LRP1B: variants seen among roughly 807,000 people sequenced by gnomAD.
LRP1B encodes low-density lipoprotein receptor-related protein 1B.
LRP1B carries 217 observed loss-of-function variants against 556.6 expected under a neutral mutation model. That is an observed-to-expected ratio of 0.39 (90% CI 0.35 to 0.44). The LOEUF is 0.44. LRP1B is among the 20% of genes least tolerant of loss of function. LRP1B has a pLI of 1.00. For synonymous variants in LRP1B, 2,047 were observed against 1,865.8 expected, an observed-to-expected ratio of 1.10 and a Z score of -2.50; for missense variants, 5,053 against 5,620.8, an observed-to-expected ratio of 0.90 and a Z score of 3.23.
chr2:141,495,827 A>G lies in LRP1B; in HGVS notation c.206-15294T>C, dbSNP rs72991015. Among the ~76,000 whole-genome samples, 574 of 152,202 alleles carry G rather than the reference A, an allele frequency of 3.8e-3. 2 individuals carry two copies. The highest frequency in any genetic ancestry group is 0.013 in the African/African-American group (542 of 41,550). ...ACACATATATATCTGTCACTTCTAG[A>G]AAATATACAAATTCTTCTCTGCAAC... On this transcript the variant is annotated intron_variant, in intron 2 of 90. Transcript: ENST00000389484.
At chr2:140,821,377 G>A (rs924877167) in intron 31 of LRP1B, among the ~76,000 whole-genome samples, 3 of 151,990 alleles carry the variant, frequency 2.0e-5, no homozygotes, top group Admixed American at 6.5e-5. Flanking sequence ...CACCTCCTCC[G>A]GCTTCTTTGT....
chr2:141,541,983 T>C (rs1415281974), intron 2 of LRP1B, among the ~76,000 whole-genome samples: 1 of 152,062 alleles, frequency 6.6e-6, no homozygotes, highest in Non-Finnish European at 1.5e-5. Flanking sequence ...AAATTTCTAA[T>C]AGCTTTGCTT....
At chr2:141,877,199 T>G (rs931766963) in intron 1 of LRP1B, among the ~76,000 whole-genome samples, 1 of 151,778 alleles carries the variant, frequency 6.6e-6, no homozygotes, top group African/African-American at 2.4e-5. Flanking sequence ...TAAACATTAG[T>G]TTTTTTTCCT....
chr2:140,569,209 T>G (rs560838868), intron 43 of LRP1B, among the ~76,000 whole-genome samples: 11 of 151,948 alleles, frequency 7.2e-5, no homozygotes, highest in African/African-American at 2.7e-4. Flanking sequence ...CAGGAGTATA[T>G]CCTATTAATA....
intron 2 of LRP1B, among the ~76,000 whole-genome samples, chr2:141,538,300 A>G (rs1485887919): frequency 6.6e-6 from 1 of 152,120 alleles, no homozygotes; most frequent in African/African-American, 2.4e-5. Flanking sequence ...ATGTCAATCT[A>G]TCTTTATTAT....
intron 3 of LRP1B, among the ~76,000 whole-genome samples, chr2:141,324,176 G>A (rs1285168385): frequency 6.7e-6 from 1 of 149,554 alleles, no homozygotes; most frequent in Non-Finnish European, 1.5e-5. Context: ...GATGAACAAG[G>A]AAACCACACA....
At chr2:141,001,658 T>C (rs2105369178) in intron 15 of LRP1B, among the ~76,000 whole-genome samples, 1 of 152,136 alleles carries the variant, frequency 6.6e-6, no homozygotes, top group Middle Eastern at 3.4e-3. Context: ...GACTATAAGG[T>C]CTGTAACTAC....
In LRP1B at chr2:141,807,039, T is replaced by C. The variant is rs1168909897; in HGVS notation, c.205+3240A>G. Among the ~76,000 whole-genome samples the C allele has an allele frequency of 1.3e-4, 20 of 152,114 alleles. 1 individual carries two copies. The highest frequency in any genetic ancestry group is 1.3e-3 in the Admixed American group (20 of 15,244). Reference sequence around the variant, plus strand: ...TTTTGTTCATATACTGAGCACAAATTATCCTTCCTAAGAATCAGTCTCCAA... The same window carrying C: ...TTTTGTTCATATACTGAGCACAAATCATCCTTCCTAAGAATCAGTCTCCAA... On this transcript the variant is annotated intron_variant, in intron 2 of 90. Coordinates refer to ENST00000389484, the MANE Select transcript of LRP1B (RefSeq NM_018557.3).
Position 141,049,018 on chromosome 2 carries a change from T to A in LRP1B, c.1757A>T (p.Asp586Val). The A allele has an allele frequency of 6.2e-7, 1 of 1,613,454 alleles. No homozygotes were observed. Among genetic ancestry groups the A allele is most frequent in the Non-Finnish European group, 8.5e-7 (1 of 1,179,592 alleles). Residue 586 changes from aspartate to valine, a missense_variant, in exon 11 of 91, where the codon GAT (aspartate) becomes GTT (valine). Transcript: ENST00000389484. ...TSFLIGRQKI[D>V]GTERETILKD... ...CAGGATGGTTTCTCTCTCTGTGCCATCTATCTTCTGCCGGCCAATTAGGAA... is the reference window on the plus strand; with the variant it reads ...CAGGATGGTTTCTCTCTCTGTGCCAACTATCTTCTGCCGGCCAATTAGGAA...
intron 2 of LRP1B, among the ~76,000 whole-genome samples, chr2:141,490,978 C>A: frequency 6.8e-6 from 1 of 147,198 alleles, no homozygotes; most frequent in Non-Finnish European, 1.5e-5. Flanking sequence ...CTGTTCTTTG[C>A]TAGCCAAGTT....
Position 142,130,741 on chromosome 2 carries a change from G to T in LRP1B, c.-12C>A. On this transcript the variant is annotated 5_prime_UTR_variant, in exon 1 of 91. Transcript: ENST00000389484. ...AGAAACTCGGACATTGTGGTCGCCC[G>T]GTAAGGAAGCCTGCGCTGGAGACTG... is the stretch of plus-strand genomic sequence containing the variant. 6.2e-7 allele frequency: 1 copy of T among 1,605,928 alleles called. No homozygotes were observed. The highest frequency in any genetic ancestry group is 8.5e-7 in the Non-Finnish European group (1 of 1,175,722).
intron 3 of LRP1B, among the ~76,000 whole-genome samples, chr2:141,451,821 G>C (rs986336227): frequency 7.9e-5 from 12 of 152,086 alleles, no homozygotes; most frequent in Non-Finnish European, 1.3e-4. Context: ...TACTAGCTTT[G>C]AAACTACACA....
At chr2:142,086,016 C>A (rs1186253415) in intron 1 of LRP1B, among the ~76,000 whole-genome samples, 1 of 152,124 alleles carries the variant, frequency 6.6e-6, no homozygotes, top group East Asian at 1.9e-4. Context: ...CAGGGTGATA[C>A]TATTAATTAG....
At chr2:140,264,278 G>C (rs1036622682) in intron 86 of LRP1B, among the ~76,000 whole-genome samples, 1 of 152,038 alleles carries the variant, frequency 6.6e-6, no homozygotes, top group Non-Finnish European at 1.5e-5. Flanking sequence ...ACTCAGGCTG[G>C]AGTGCAATGG....
chr2:140,795,941 T>C (rs2104996979), intron 32 of LRP1B, among the ~76,000 whole-genome samples: 1 of 152,226 alleles, frequency 6.6e-6, no homozygotes, highest in Admixed American at 6.5e-5. Context: ...AACTCAAACA[T>C]CTTTTATTAA....
intron 7 of LRP1B, among the ~76,000 whole-genome samples, chr2:141,083,323 C>T (rs1327021700): frequency 6.8e-6 from 1 of 147,282 alleles, no homozygotes; most frequent in Non-Finnish European, 1.5e-5. Context: ...TAAAACTTAA[C>T]ATATTTAATA....
At chr2:140,810,286 C>A (rs1690874152) in intron 32 of LRP1B, among the ~76,000 whole-genome samples, 1 of 152,048 alleles carries the variant, frequency 6.6e-6, no homozygotes, top group Admixed American at 6.5e-5. Context: ...CATTCAGCAC[C>A]TATGTAGCCT....
chr2:140,536,828 C>T (rs1679920373), intron 45 of LRP1B, 119 bp from the exon 46 acceptor site: 1 of 753,364 alleles, frequency 1.3e-6, no homozygotes, highest in Admixed American at 3.0e-5. Flanking sequence ...TCAAAATGTA[C>T]AATTAAAGAG....
chr2:141,965,652 C>G (rs1242012372), intron 1 of LRP1B, among the ~76,000 whole-genome samples: 1 of 130,244 alleles, frequency 7.7e-6, no homozygotes, highest in Non-Finnish European at 1.6e-5. Flanking sequence ...TGCTAGATGA[C>G]GAGTTAGTGG....
Sources: gnomAD v4.1 joint callset for allele counts (sites outside exome capture counted in the v4.1 genomes callset) on GRCh38, gnomAD v4.1.1 for gene constraint, MANE v1.5 for transcripts, NCBI Gene and HGNC (gene_info 2026-07-23, HGNC 2026-07-21) for gene names.